EVC2: variants seen among roughly 807,000 people sequenced by gnomAD.
The protein encoded by EVC2 is limbin.
In EVC2, 148 loss-of-function variants were observed where a neutral mutation model predicts 149.3. That is an observed-to-expected ratio of 0.99 (90% CI 0.87 to 1.14). The LOEUF is 1.14. EVC2 is among the 50% of genes most tolerant of loss of function. EVC2 has a pLI of 0.00. For missense variants in EVC2, 1,854 were observed against 1,627.3 expected (o/e 1.14, Z -2.40); for synonymous variants, 776 against 649.9 (o/e 1.19, Z -2.95).
rs1279321226 is a variant in EVC2 at position 5,613,082 on chromosome 4, A to G, written c.2829+2340T>C. ...GCACCTGATGTCCCCATGGGTTACC[A>G]TCTCTGCATCACCTTCTCACTCAGA... On this transcript the variant is annotated intron_variant, in intron 16 of 21. Transcript: ENST00000344408. This position sits in a 1 kb window ranked among gnomAD's most constrained non-coding sequence, Gnocchi z 4.6. Among the ~76,000 whole-genome samples, 4 of 152,136 alleles carry G rather than the reference A, an allele frequency of 2.6e-5. No homozygotes were observed. Among genetic ancestry groups the G allele is most frequent in the African/African-American group, 9.6e-5 (4 of 41,518 alleles).
chr4:5,661,673 G>A (rs552843577), intron 9 of EVC2, among the ~76,000 whole-genome samples: 13 of 152,152 alleles, frequency 8.5e-5, no homozygotes, highest in South Asian at 8.3e-4. Flanking sequence ...AAGAAGGAAC[G>A]ACAAGGCCAT....
intron 16 of EVC2, among the ~76,000 whole-genome samples, chr4:5,601,066 T>A (rs1295736080): frequency 6.6e-6 from 1 of 152,198 alleles, no homozygotes; most frequent in African/African-American, 2.4e-5. Context: ...TTTTGGGGGA[T>A]TCAACTAGCC....
At chr4:5,648,722 G>A (rs920412529) in intron 9 of EVC2, among the ~76,000 whole-genome samples, 3 of 152,132 alleles carry the variant, frequency 2.0e-5, no homozygotes, top group African/African-American at 7.2e-5. Flanking sequence ...CAGTTGCCTG[G>A]GAAGACAGTC....
intron 13 of EVC2, among the ~76,000 whole-genome samples, chr4:5,624,427 T>C (rs1377449494): frequency 6.6e-6 from 1 of 152,178 alleles, no homozygotes; most frequent in Non-Finnish European, 1.5e-5. Flanking sequence ...CCAGAGAGAA[T>C]CAATTCATTC....
Position 5,567,395 on chromosome 4 carries a change from T to G in EVC2, c.3557+1049A>C, listed in dbSNP as rs1489278453. 1.3e-5 allele frequency among the ~76,000 whole-genome samples: 2 copies of G among 152,094 alleles called. No homozygotes were observed. Among genetic ancestry groups the G allele is most frequent in the African/African-American group, 2.4e-5 (1 of 41,410 alleles). On this transcript the variant is annotated intron_variant, in intron 20 of 21. Coordinates refer to ENST00000344408, the MANE Select transcript of EVC2 (RefSeq NM_147127.5). This position sits in a 1 kb window ranked among gnomAD's most constrained non-coding sequence, Gnocchi z 4.4. ...TCTCTGATAAGGAAAACATTACCCC[T>G]TTTCTCAGGACAAATGCTATCTACA...
In EVC2 at chr4:5,694,608, C is replaced by T. The variant is rs980777990; in HGVS notation, c.284-107G>A. ...GGGTACATGGAAGGTACTTAGAAGACGTTTGTTGGGTAAGTAAGTTAATGA... is the reference window on the plus strand; with the variant it reads ...GGGTACATGGAAGGTACTTAGAAGATGTTTGTTGGGTAAGTAAGTTAATGA... On this transcript the variant is annotated intron_variant, in intron 2 of 21. Coordinates refer to ENST00000344408, the MANE Select transcript of EVC2 (RefSeq NM_147127.5). 5.7e-5 allele frequency: 74 copies of T among 1,300,512 alleles called. No homozygotes were observed. The Admixed American group carries it at 6.3e-4, about 11-fold the overall frequency. The allele number at this position is 1,300,512 out of a possible 1,614,324, so 80.6% of individuals were successfully genotyped here.
At chr4:5,641,325 A>G (rs1717314877) in intron 9 of EVC2, among the ~76,000 whole-genome samples, 1 of 152,232 alleles carries the variant, frequency 6.6e-6, no homozygotes, top group Non-Finnish European at 1.5e-5. Flanking sequence ...CAACTGATAC[A>G]TAATCACACT....
intron 9 of EVC2, among the ~76,000 whole-genome samples, chr4:5,642,026 G>T (rs1182236051): frequency 6.6e-6 from 1 of 151,314 alleles, no homozygotes; most frequent in African/African-American, 2.4e-5. Flanking sequence ...ACTTATGAGT[G>T]AGAACATGCA....
At chr4:5,539,719 C>T (rs1474427448), downstream of EVC2, among the ~76,000 whole-genome samples, 2 of 152,072 alleles carry the variant, frequency 1.3e-5, no homozygotes, top group African/African-American at 2.4e-5. Context: ...TGTACAATTG[C>T]ATGTGCAAAC....
chr4:5,577,158 A>C (rs1002709332), intron 17 of EVC2, among the ~76,000 whole-genome samples: 9 of 152,260 alleles, frequency 5.9e-5, no homozygotes, highest in Non-Finnish European at 1.5e-5. Context: ...AAAGGAACTG[A>C]GGCAGACAGA....
At chr4:5,583,617 T>C (rs991120192) in intron 17 of EVC2, among the ~76,000 whole-genome samples, 1 of 152,182 alleles carries the variant, frequency 6.6e-6, no homozygotes, top group African/African-American at 2.4e-5. Flanking sequence ...CATTTCAGTT[T>C]TTGAATTCAT....
intron 1 of EVC2, among the ~76,000 whole-genome samples, chr4:5,703,731 T>A (rs1022456364): frequency 3.9e-5 from 6 of 152,198 alleles, no homozygotes; most frequent in Admixed American, 3.9e-4. Flanking sequence ...TTAGGAAAAT[T>A]ACAAGCAAAA....
chr4:5,637,518 T>C lies in EVC2; in HGVS notation c.1470+2996A>G, dbSNP rs1003800234. ...ATGCATGCTAAGGAAGGATGAGCTGTTATTGTTACACATCGTATTTTTTAA... is the reference window on the plus strand; with the variant it reads ...ATGCATGCTAAGGAAGGATGAGCTGCTATTGTTACACATCGTATTTTTTAA... On this transcript the variant is annotated intron_variant, in intron 10 of 21. Transcript: ENST00000344408. The surrounding 1 kb of genome is among the most constrained non-coding windows in gnomAD (Gnocchi z 4.4). Among the ~76,000 whole-genome samples the C allele has an allele frequency of 6.6e-6, 1 of 152,220 alleles. No homozygotes were observed. Among genetic ancestry groups the C allele is most frequent in the African/African-American group, 2.4e-5 (1 of 41,458 alleles).
intron 17 of EVC2, among the ~76,000 whole-genome samples, chr4:5,582,324 G>A (rs1224836334): frequency 6.6e-6 from 1 of 152,256 alleles, no homozygotes; most frequent in Non-Finnish European, 1.5e-5. Context: ...GGCTTTGGGA[G>A]CCCATCCCTT....
At chr4:5,627,428 C>T (rs994977211) in intron 12 of EVC2, among the ~76,000 whole-genome samples, 3 of 152,122 alleles carry the variant, frequency 2.0e-5, no homozygotes, top group African/African-American at 7.2e-5. Context: ...GTGATAAATT[C>T]ATTAGCATAT....
the EVC2 span, among the ~76,000 whole-genome samples, chr4:5,529,918 C>T: frequency 2.0e-5 from 3 of 151,006 alleles, no homozygotes; most frequent in African/African-American, 7.3e-5. This position sits in a 1 kb window ranked among gnomAD's most constrained non-coding sequence, Gnocchi z 4.5. Flanking sequence ...CCGGTGCAAG[C>T]GATTCTCCTG....
chr4:5,590,816 T>C (rs1323904403), intron 16 of EVC2, among the ~76,000 whole-genome samples: 1 of 152,168 alleles, frequency 6.6e-6, no homozygotes, highest in African/African-American at 2.4e-5. Flanking sequence ...GTGAGTAATT[T>C]ATAAAGAAAA....
chr4:5,573,112 G>A (rs1401809629), intron 19 of EVC2, among the ~76,000 whole-genome samples: 2 of 152,142 alleles, frequency 1.3e-5, no homozygotes, highest in African/African-American at 4.8e-5. Flanking sequence ...GCCCTGTTTG[G>A]ACACTGTCAC....
chr4:5,560,163 T>G (rs145191181), downstream of EVC2, among the ~76,000 whole-genome samples: 7 of 151,850 alleles, frequency 4.6e-5, no homozygotes, highest in African/African-American at 1.4e-4. The surrounding 1 kb of genome is among the most constrained non-coding windows in gnomAD (Gnocchi z 4.1). Flanking sequence ...ACCCCAAACT[T>G]GAGCTCAAGT....
Sources: gnomAD v4.1 joint callset for allele counts (sites outside exome capture counted in the v4.1 genomes callset) on GRCh38, gnomAD v4.1.1 for gene constraint, Gnocchi (gnomAD v3.1) non-coding constraint, MANE v1.5 for transcripts, NCBI Gene and HGNC (gene_info 2026-07-23, HGNC 2026-07-21) for gene names.